The following CHRM3 variants were observed in gnomAD, a reference collection of about 807,000 sequenced individuals.
CHRM3 encodes muscarinic acetylcholine receptor M3.
CHRM3 carries 11 observed loss-of-function variants against 41.8 expected under a neutral mutation model. The ratio of observed to expected loss-of-function variants is 0.26; its 90% CI spans 0.17 to 0.44. The LOEUF is 0.44. Ranked by LOEUF, CHRM3 falls within the 20% of genes least tolerant of loss-of-function variation. The pLI is 1.00. For missense variants in CHRM3, 571 were observed against 745.4 expected, an observed-to-expected ratio of 0.77 and a Z score of 2.72; for synonymous variants, 297 against 301.4, an observed-to-expected ratio of 0.99 and a Z score of 0.15.
chr1:239,639,585 A>T (rs925534215), intron 4 of CHRM3, among the ~76,000 whole-genome samples: 2 of 151,516 alleles, frequency 1.3e-5, no homozygotes, highest in African/African-American at 4.9e-5. Context: ...GGTGTATAAG[A>T]ATGCTTGTGA....
Position 239,402,699 on chromosome 1 carries a change from G to A in CHRM3, c.-521+15472G>A, listed in dbSNP as rs372516457. Among the ~76,000 whole-genome samples the A allele has an allele frequency of 2.1e-4, 32 of 152,256 alleles. 1 individual carries two copies. Among genetic ancestry groups the A allele is most frequent in the South Asian group, 1.7e-3 (8 of 4,824 alleles). On this transcript the variant is annotated intron_variant, in intron 1 of 6. Coordinates refer to ENST00000676153, the MANE Select transcript of CHRM3 (RefSeq NM_001375978.1). Reference sequence around the variant, plus strand: ...CTGAAGTCCTCAGGAAAATATGGTCGTCCCTCAGTATCCAACGGGTATTGG... The same window carrying A: ...CTGAAGTCCTCAGGAAAATATGGTCATCCCTCAGTATCCAACGGGTATTGG...
chr1:239,523,571 T>C (rs1669794828), intron 2 of CHRM3, among the ~76,000 whole-genome samples: 1 of 152,222 alleles, frequency 6.6e-6, no homozygotes, highest in South Asian at 2.1e-4. Context: ...TTTTACGTTG[T>C]TTCTTGAAAA....
At position 239,834,104 on chromosome 1, in the gene CHRM3, G is replaced by T. The variant is rs1465726724; in HGVS notation, c.-20+6726G>T. Among the ~76,000 whole-genome samples the T allele has an allele frequency of 4.7e-5, 7 of 148,624 alleles. No homozygotes were observed. The East Asian group carries it at 1.2e-3, about 25-fold the overall frequency. On this transcript the variant is annotated intron_variant, in intron 6 of 6. Transcript: ENST00000676153. ...TCTTCATGTATAAAATTAGTGGCTTGGTGCTGAATAACCTCAGTCCCCTTC... is the reference window on the plus strand; with the variant it reads ...TCTTCATGTATAAAATTAGTGGCTTTGTGCTGAATAACCTCAGTCCCCTTC...
chr1:239,531,235 A>C (rs888117502), intron 2 of CHRM3, among the ~76,000 whole-genome samples: 1 of 152,184 alleles, frequency 6.6e-6, no homozygotes, highest in African/African-American at 2.4e-5. Context: ...GAGGACATGC[A>C]CTTCCTGATT....
At chr1:239,446,080 G>A (rs1309687335) in intron 1 of CHRM3, among the ~76,000 whole-genome samples, 1 of 152,104 alleles carries the variant, frequency 6.6e-6, no homozygotes, top group East Asian at 1.9e-4. Flanking sequence ...GGAACTACAG[G>A]TGTGCACCAC....
chr1:239,587,188 C>T (rs544336507), intron 3 of CHRM3, among the ~76,000 whole-genome samples: 15 of 152,318 alleles, frequency 9.8e-5, no homozygotes, highest in Admixed American at 8.5e-4. Flanking sequence ...CTCACCTCCA[C>T]GTGCTGTACA....
chr1:239,643,178 G>A (rs1274290237), intron 4 of CHRM3, among the ~76,000 whole-genome samples: 1 of 152,148 alleles, frequency 6.6e-6, no homozygotes, highest in African/African-American at 2.4e-5. Flanking sequence ...TGCCCCTACT[G>A]GGGGGTGCCT....
At chr1:239,617,052 C>A (rs978100591) in intron 3 of CHRM3, among the ~76,000 whole-genome samples, 4 of 152,022 alleles carry the variant, frequency 2.6e-5, no homozygotes, top group African/African-American at 9.7e-5. Flanking sequence ...AGAGAAGAAT[C>A]CTGAACTGTT....
chr1:239,900,060 A>C (rs1679396444), intron 6 of CHRM3, among the ~76,000 whole-genome samples: 1 of 152,294 alleles, frequency 6.6e-6, no homozygotes, highest in East Asian at 1.9e-4. Context: ...ACAAGGAAAG[A>C]CTTCCTGTAG....
At chr1:239,636,250 A>G (rs570103329) in intron 4 of CHRM3, among the ~76,000 whole-genome samples, 49 of 152,338 alleles carry the variant, frequency 3.2e-4, no homozygotes, top group African/African-American at 1.1e-3. Context: ...CCCTGTTTTT[A>G]TGGGCATGAT....
At chr1:239,501,417 T>C (rs1211471096) in intron 2 of CHRM3, among the ~76,000 whole-genome samples, 3 of 152,168 alleles carry the variant, frequency 2.0e-5, no homozygotes, top group East Asian at 1.9e-4. Context: ...ATTGAAATTA[T>C]ATCAAGCATT....
In CHRM3 at chr1:239,618,277, CT is replaced by C. The variant is rs61094722; in HGVS notation, c.-312-13929del. On this transcript the variant is annotated intron_variant, in intron 3 of 6. Transcript: ENST00000676153. ...GAGTAGGAGTACTTTTTTTTTCTTT[CT>C]TTTTTTTTTTTTTTTTTAATGACAA... 2.3e-3 allele frequency among the ~76,000 whole-genome samples: 273 copies of C among 120,652 alleles called. 3 individuals are homozygous for C. The highest frequency in any genetic ancestry group is 3.4e-3 in the Admixed American group (35 of 10,380). The allele number at this position is 120,652 out of a possible 152,430, so 79.2% of individuals were successfully genotyped here.
At chr1:239,400,720 G>A (rs994703696) in intron 1 of CHRM3, among the ~76,000 whole-genome samples, 4 of 152,124 alleles carry the variant, frequency 2.6e-5, no homozygotes, top group Non-Finnish European at 1.5e-5. Context: ...TTTCTTCATT[G>A]TGTGTTTTTG....
chr1:239,777,666 A>G (rs1458385299), intron 5 of CHRM3, among the ~76,000 whole-genome samples: 2 of 152,178 alleles, frequency 1.3e-5, no homozygotes, highest in Non-Finnish European at 2.9e-5. Context: ...CTTTGAGCAT[A>G]TTCTTTGTCA....
intron 3 of CHRM3, chr1:239,606,316 C>T (rs6701468): frequency 0.49 from 74,176 of 151,016 alleles, 18,520 homozygotes; most frequent in Middle Eastern, 0.62. Flanking sequence ...CACTCTGTCG[C>T]CCAGGCTGGA....
At chr1:239,744,846 A>G (rs1394871942) in intron 5 of CHRM3, among the ~76,000 whole-genome samples, 1 of 152,124 alleles carries the variant, frequency 6.6e-6, no homozygotes, top group Non-Finnish European at 1.5e-5. Context: ...AGAGAATAAC[A>G]GACTTTTGGG....
At chr1:239,404,469 A>AGG (rs1558196189) in intron 1 of CHRM3, among the ~76,000 whole-genome samples, 2 of 86,262 alleles carry the variant, frequency 2.3e-5, no homozygotes, top group African/African-American at 7.2e-5. Flanking sequence ...AAAGAAAGAA[A>AGG]AAGAAAGAAA....
chr1:239,572,794 C>T (rs187869745), intron 3 of CHRM3, among the ~76,000 whole-genome samples: 132 of 152,178 alleles, frequency 8.7e-4, no homozygotes, highest in African/African-American at 3.0e-3. Flanking sequence ...TCATTTAAAG[C>T]GATTATTTTT....
chr1:239,710,152 A>G (rs1661620268), intron 5 of CHRM3, among the ~76,000 whole-genome samples: 1 of 152,178 alleles, frequency 6.6e-6, no homozygotes. Flanking sequence ...CCAATTAAAA[A>G]CAAATAACAG....
Sources: gnomAD v4.1 joint callset for allele counts (sites outside exome capture counted in the v4.1 genomes callset) on GRCh38, gnomAD v4.1.1 for gene constraint, MANE v1.5 for transcripts, NCBI Gene and HGNC (gene_info 2026-07-23, HGNC 2026-07-21) for gene names.